HEMK2: variants seen among roughly 807,000 people sequenced by gnomAD.
HEMK2 encodes methyltransferase HEMK2.
At chr21:28,591,571 T>C in the HEMK2 span, among the ~76,000 whole-genome samples, 1 of 152,226 alleles carries the variant, frequency 6.6e-6, no homozygotes, top group Non-Finnish European at 1.5e-5. Context: ...TATTTTAAGT[T>C]CGGGGTACAT....
chr21:28,762,178 G>C, the HEMK2 span, among the ~76,000 whole-genome samples: 1 of 152,082 alleles, frequency 6.6e-6, no homozygotes, highest in Non-Finnish European at 1.5e-5. Context: ...TTGACTCCTG[G>C]AGATGCTGTC....
At chr21:28,871,384 A>G in the HEMK2 span, among the ~76,000 whole-genome samples, 3 of 152,126 alleles carry the variant, frequency 2.0e-5, no homozygotes, top group African/African-American at 4.8e-5. Context: ...AGTGCTACAC[A>G]CTTTTAAACA....
chr21:28,880,928 TAAAAAAA>T, the HEMK2 span, among the ~76,000 whole-genome samples: 6 of 104,440 alleles, frequency 5.7e-5, no homozygotes, highest in Admixed American at 3.3e-4. Flanking sequence ...ATCATTTATT[TAAAAAAA>T]AAAAAAAAAA....
chr21:28,755,345 C>A, the HEMK2 span, among the ~76,000 whole-genome samples: 1 of 152,312 alleles, frequency 6.6e-6, no homozygotes, highest in Admixed American at 6.5e-5. Flanking sequence ...GTGTCCACCA[C>A]GTACATGTAC....
the HEMK2 span, among the ~76,000 whole-genome samples, chr21:28,702,641 T>A: frequency 3.3e-5 from 5 of 152,076 alleles, no homozygotes; most frequent in East Asian, 9.6e-4. Context: ...ATGACTATTA[T>A]CAAAAAGTCA....
chr21:28,857,268 A>C, the HEMK2 span, among the ~76,000 whole-genome samples: 1 of 151,654 alleles, frequency 6.6e-6, no homozygotes, highest in South Asian at 2.1e-4. Flanking sequence ...TTAAAAAAAA[A>C]CACAAACTAC....
the HEMK2 span, among the ~76,000 whole-genome samples, chr21:28,747,390 C>T: frequency 0.018 from 2,706 of 152,192 alleles, 58 homozygotes; most frequent in African/African-American, 0.051. Flanking sequence ...CTCTGAGTCT[C>T]GTGGGATTTA....
chr21:28,617,369 A>T, the HEMK2 span, among the ~76,000 whole-genome samples: 2 of 152,238 alleles, frequency 1.3e-5, no homozygotes, highest in African/African-American at 2.4e-5. Context: ...ACCTTGCATG[A>T]CATGCTAAGA....
the HEMK2 span, among the ~76,000 whole-genome samples, chr21:28,682,036 A>C: frequency 3.9e-5 from 6 of 152,100 alleles, no homozygotes; most frequent in African/African-American, 1.2e-4. Context: ...GCAACAAAAG[A>C]CAAAATTGAC....
At chr21:28,705,160 C>T in the HEMK2 span, among the ~76,000 whole-genome samples, 1 of 151,996 alleles carries the variant, frequency 6.6e-6, no homozygotes, top group African/African-American at 2.4e-5. Flanking sequence ...TGACTTATTC[C>T]TACCACTATC....
chr21:28,765,769 T>C, the HEMK2 span, among the ~76,000 whole-genome samples: 3 of 152,052 alleles, frequency 2.0e-5, no homozygotes, highest in African/African-American at 7.2e-5. Context: ...TTTGGTGCTG[T>C]GAGCTCCATT....
chr21:28,647,599 TC>T, the HEMK2 span, among the ~76,000 whole-genome samples: 1 of 151,902 alleles, frequency 6.6e-6, no homozygotes, highest in Admixed American at 6.6e-5. Flanking sequence ...TCCCTATGGT[TC>T]ATTATGCCTT....
chr21:28,593,403 G>A, the HEMK2 span, among the ~76,000 whole-genome samples: 1 of 152,088 alleles, frequency 6.6e-6, no homozygotes, highest in African/African-American at 2.4e-5. Context: ...CTGTATACGT[G>A]GATTAGTATG....
At chr21:28,716,118 T>G in the HEMK2 span, among the ~76,000 whole-genome samples, 1 of 105,326 alleles carries the variant, frequency 9.5e-6, no homozygotes, top group African/African-American at 5.5e-5. Flanking sequence ...TCTTTGGCTA[T>G]TTGGACTCTT....
At chr21:28,815,885 T>C in the HEMK2 span, among the ~76,000 whole-genome samples, 2 of 151,864 alleles carry the variant, frequency 1.3e-5, no homozygotes, top group Non-Finnish European at 2.9e-5. Context: ...CCTGAATTTA[T>C]ATATTGAAGC....
the HEMK2 span, among the ~76,000 whole-genome samples, chr21:28,881,537 T>G: frequency 6.6e-6 from 1 of 151,918 alleles, no homozygotes; most frequent in Middle Eastern, 3.4e-3. Flanking sequence ...TGCCTAGGAA[T>G]AGAGCCACCA....
the HEMK2 span, among the ~76,000 whole-genome samples, chr21:28,731,265 G>C: frequency 6.6e-6 from 1 of 152,154 alleles, no homozygotes; most frequent in Non-Finnish European, 1.5e-5. Context: ...AGAACTTGAA[G>C]CTTATAGAGC....
chr21:28,720,680 C>T, the HEMK2 span, among the ~76,000 whole-genome samples: 2 of 152,040 alleles, frequency 1.3e-5, no homozygotes, highest in Admixed American at 6.5e-5. Context: ...TTGCAGTGAG[C>T]CGAGATTGCG....
At chr21:28,770,993 G>A in the HEMK2 span, among the ~76,000 whole-genome samples, 1 of 121,502 alleles carries the variant, frequency 8.2e-6, no homozygotes, top group Non-Finnish European at 1.6e-5. Context: ...TCTGGATGGA[G>A]AAATAAGATT....
Sources: gnomAD v4.1 joint callset for allele counts (sites outside exome capture counted in the v4.1 genomes callset) on GRCh38, gnomAD v4.1.1 for gene constraint, MANE v1.5 for transcripts, NCBI Gene and HGNC (gene_info 2026-07-23, HGNC 2026-07-21) for gene names.